The following LOC122539214 variants were observed in gnomAD, a reference collection of about 807,000 sequenced individuals.
At chr19:52,687,586 A>AAT in the LOC122539214 span, among the ~76,000 whole-genome samples, 430 of 39,260 alleles carry the variant, frequency 0.011, 10 homozygotes, top group African/African-American at 0.087. Context: ...TTTTATATAT[A>AAT]TATATATATA....
At chr19:52,664,725 T>G in the LOC122539214 span, among the ~76,000 whole-genome samples, 1 of 9,650 alleles carries the variant, frequency 1.0e-4, no homozygotes, top group African/African-American at 4.8e-4. Context: ...GAGGCCAGGG[T>G]GGGGCATGAA....
chr19:52,680,764 C>T, the LOC122539214 span, among the ~76,000 whole-genome samples: 4 of 144,318 alleles, frequency 2.8e-5, no homozygotes, highest in East Asian at 4.1e-4. Context: ...AGGCGCCCGC[C>T]ACTACGCCCG....
the LOC122539214 span, among the ~76,000 whole-genome samples, chr19:52,678,735 A>T: frequency 2.0e-5 from 3 of 152,074 alleles, no homozygotes; most frequent in Admixed American, 2.0e-4. Context: ...GTACTTTGGG[A>T]GACCAAGGTG....
the LOC122539214 span, among the ~76,000 whole-genome samples, chr19:52,669,499 G>A: frequency 6.6e-6 from 1 of 152,148 alleles, no homozygotes; most frequent in Non-Finnish European, 1.5e-5. Context: ...TGGGAAAATG[G>A]GATAGCCTTT....
chr19:52,658,436 C>T, the LOC122539214 span, among the ~76,000 whole-genome samples: 18 of 152,118 alleles, frequency 1.2e-4, no homozygotes, highest in Non-Finnish European at 2.2e-4. Flanking sequence ...TGTGGTGGTG[C>T]GCACCTGTAA....
chr19:52,655,982 G>A, the LOC122539214 span, among the ~76,000 whole-genome samples: 1 of 151,910 alleles, frequency 6.6e-6, no homozygotes, highest in East Asian at 1.9e-4. Context: ...AGGCTGAGGT[G>A]GGTGTATCAA....
the LOC122539214 span, chr19:52,654,190 A>C: frequency 7.6e-5 from 121 of 1,599,464 alleles, no homozygotes; most frequent in Non-Finnish European, 1.0e-4. Context: ...ACTACCAGTC[A>C]ACTTTTTGAT....
chr19:52,676,034 C>T, the LOC122539214 span, among the ~76,000 whole-genome samples: 2 of 151,526 alleles, frequency 1.3e-5, no homozygotes, highest in Admixed American at 6.6e-5. Context: ...ACTAACAATA[C>T]AGCTCTCGCT....
chr19:52,655,606 A>G, the LOC122539214 span: 2 of 1,505,406 alleles, frequency 1.3e-6, no homozygotes, highest in South Asian at 2.3e-5. Flanking sequence ...ACGGCCCTGT[A>G]TAAAGCCCTC....
At chr19:52,656,537 T>C in the LOC122539214 span, among the ~76,000 whole-genome samples, 1 of 151,480 alleles carries the variant, frequency 6.6e-6, no homozygotes, top group Non-Finnish European at 1.5e-5. Flanking sequence ...TAAAAATATA[T>C]GTATGTATAT....
At chr19:52,655,119 G>C in the LOC122539214 span, 29 of 155,352 alleles carry the variant, frequency 1.9e-4, no homozygotes, top group East Asian at 4.5e-3. Context: ...TGCAGGAGGC[G>C]GAGGTTGCAA....
chr19:52,669,980 GAT>G, the LOC122539214 span, among the ~76,000 whole-genome samples: 1 of 152,346 alleles, frequency 6.6e-6, no homozygotes, highest in East Asian at 1.9e-4. Flanking sequence ...GGGAATGTTA[GAT>G]ATGAGTTCTA....
chr19:52,656,234 A>C, the LOC122539214 span, among the ~76,000 whole-genome samples: 23 of 151,934 alleles, frequency 1.5e-4, 1 homozygote, highest in African/African-American at 4.6e-4. Flanking sequence ...CTCTATATAT[A>C]TATATAGCCA....
chr19:52,683,262 GTGTGTGTGTGTGTGTGTGTA>G, the LOC122539214 span, among the ~76,000 whole-genome samples: 1,107 of 86,408 alleles, frequency 0.013, 13 homozygotes, highest in African/African-American at 0.035. Flanking sequence ...GTGTGTGTGT[GTGTGTGTGTGTGTGTGTGTA>G]TGCTCACGTG....
At chr19:52,672,201 T>C in the LOC122539214 span, among the ~76,000 whole-genome samples, 1 of 151,962 alleles carries the variant, frequency 6.6e-6, no homozygotes, top group African/African-American at 2.4e-5. Context: ...ACCACAGCTC[T>C]CCAGCCTGAG....
chr19:52,655,980 G>T, the LOC122539214 span, among the ~76,000 whole-genome samples: 1 of 152,146 alleles, frequency 6.6e-6, no homozygotes, highest in Admixed American at 6.5e-5. Flanking sequence ...GGAGGCTGAG[G>T]TGGGTGTATC....
At chr19:52,686,697 T>G in the LOC122539214 span, among the ~76,000 whole-genome samples, 9 of 152,078 alleles carry the variant, frequency 5.9e-5, no homozygotes, top group African/African-American at 2.2e-4. Context: ...CTCATCTTCC[T>G]GGGCAGCTGG....
At chr19:52,667,379 A>G in the LOC122539214 span, among the ~76,000 whole-genome samples, 1 of 152,208 alleles carries the variant, frequency 6.6e-6, no homozygotes, top group Admixed American at 6.5e-5. Flanking sequence ...TGTCTGTCAA[A>G]GTTGTGAAAA....
At chr19:52,683,381 T>C in the LOC122539214 span, among the ~76,000 whole-genome samples, 1 of 152,106 alleles carries the variant, frequency 6.6e-6, no homozygotes, top group African/African-American at 2.4e-5. Flanking sequence ...CACTGTGCTG[T>C]TTGCACTCTG....
Sources: allele counts gnomAD v4.1 joint callset (sites outside exome capture counted in the v4.1 genomes callset), GRCh38; gene constraint gnomAD v4.1.1; transcripts MANE v1.5.